Variants in ZC3H12B observed in about 807,000 individuals in gnomAD.
The protein encoded by ZC3H12B is probable ribonuclease ZC3H12B.
In ZC3H12B, 7 loss-of-function variants were observed where a neutral mutation model predicts 43.9. That is an observed-to-expected ratio of 0.16 (90% CI 0.09 to 0.30). The LOEUF is 0.30. ZC3H12B is among the 10% of genes least tolerant of loss of function. The pLI, the probability that ZC3H12B is intolerant of heterozygous loss-of-function variation, is 1.00. For missense variants in ZC3H12B, 475 were observed against 670.2 expected (o/e 0.71, Z 3.22); for synonymous variants, 222 against 241.7 (o/e 0.92, Z 0.76).
chrX:65,240,067 T>G, the ZC3H12B span, among the ~76,000 whole-genome samples: 1 of 111,219 alleles, frequency 9.0e-6, no homozygotes, highest in Non-Finnish European at 1.9e-5. Flanking sequence ...TTGATTTTCT[T>G]GTGGAGTTTC....
chrX:65,055,972 C>G, the ZC3H12B span, among the ~76,000 whole-genome samples: 3 of 111,360 alleles, frequency 2.7e-5, no homozygotes, highest in African/African-American at 9.8e-5. Flanking sequence ...TTTGATTCTA[C>G]TCTCTTTTCT....
At chrX:65,365,535 A>T (rs1012574484), upstream of ZC3H12B, among the ~76,000 whole-genome samples, 2 of 110,579 alleles carry the variant, frequency 1.8e-5, no homozygotes, top group Non-Finnish European at 3.8e-5. Context: ...GCCACCCCTA[A>T]TCCCGCTCAA....
At chrX:65,243,431 G>A in the ZC3H12B span, among the ~76,000 whole-genome samples, 1 of 112,002 alleles carries the variant, frequency 8.9e-6, no homozygotes, top group East Asian at 2.8e-4. Flanking sequence ...TCTTACTCCA[G>A]TTAGAATGTT....
chrX:65,181,874 C>T, the ZC3H12B span, among the ~76,000 whole-genome samples: 4 of 111,732 alleles, frequency 3.6e-5, no homozygotes, highest in African/African-American at 1.3e-4. Flanking sequence ...ACCAGAAATA[C>T]CATATGACCC....
chrX:65,330,883 C>T, the ZC3H12B span: 3 of 225,726 alleles, frequency 1.3e-5, no homozygotes, highest in Non-Finnish European at 2.7e-5. Context: ...TCTCCATTTC[C>T]AGGTTTTTTC....
the ZC3H12B span, among the ~76,000 whole-genome samples, chrX:65,054,304 T>C: frequency 8.9e-6 from 1 of 111,877 alleles, no homozygotes; most frequent in East Asian, 2.8e-4. Context: ...AAGGAAGGGA[T>C]CCAGTTTCAG....
the ZC3H12B span, among the ~76,000 whole-genome samples, chrX:65,228,253 C>T: frequency 4.7e-4 from 52 of 111,803 alleles, no homozygotes; most frequent in African/African-American, 1.6e-3. Flanking sequence ...AAATATAATC[C>T]AGCATATAAA....
At chrX:65,089,588 AT>A in the ZC3H12B span, among the ~76,000 whole-genome samples, 1 of 111,455 alleles carries the variant, frequency 9.0e-6, no homozygotes, top group Non-Finnish European at 1.9e-5. Context: ...TATTAAAAAT[AT>A]TTTTCTTCAA....
At chrX:65,330,266 C>T in the ZC3H12B span, among the ~76,000 whole-genome samples, 137 of 111,717 alleles carry the variant, frequency 1.2e-3, no homozygotes, top group Middle Eastern at 9.1e-3. Flanking sequence ...TATCCTGAAA[C>T]TTTGATGAAG....
At chrX:65,215,579 T>C in the ZC3H12B span, among the ~76,000 whole-genome samples, 1 of 111,400 alleles carries the variant, frequency 9.0e-6, no homozygotes, top group Non-Finnish European at 1.9e-5. Context: ...AAGGGAATTT[T>C]GTTGCTCGTT....
At chrX:65,155,842 G>A in the ZC3H12B span, among the ~76,000 whole-genome samples, 2 of 110,043 alleles carry the variant, frequency 1.8e-5, no homozygotes, top group African/African-American at 6.6e-5. Flanking sequence ...CTAGGTGACA[G>A]AGCGAGGCCT....
chrX:65,159,965 A>G, the ZC3H12B span, among the ~76,000 whole-genome samples: 1 of 112,068 alleles, frequency 8.9e-6, no homozygotes, highest in South Asian at 3.7e-4. Context: ...GAGAAATTTT[A>G]GCATGAAGGG....
the ZC3H12B span, among the ~76,000 whole-genome samples, chrX:65,085,178 A>T: frequency 3.6e-5 from 4 of 111,385 alleles, no homozygotes; most frequent in Non-Finnish European, 5.7e-5. Flanking sequence ...AGAAAGAATG[A>T]ATAAGACCTA....
At chrX:65,469,290 C>A in intron 3 of ZC3H12B, 1 of 276,781 alleles carries the variant, frequency 3.6e-6, no homozygotes, top group Non-Finnish European at 7.0e-6. Context: ...GTGCTCCGAG[C>A]GCATCAAGTA....
At chrX:65,155,240 G>A in the ZC3H12B span, among the ~76,000 whole-genome samples, 1 of 110,455 alleles carries the variant, frequency 9.1e-6, no homozygotes, top group African/African-American at 3.3e-5. Flanking sequence ...TTACAGGCAT[G>A]ATCCACTGAG....
chrX:65,249,645 C>G, the ZC3H12B span, among the ~76,000 whole-genome samples: 3 of 111,243 alleles, frequency 2.7e-5, no homozygotes, highest in Non-Finnish European at 5.7e-5. Context: ...TTGCTTTTGG[C>G]AGTATGATCA....
chrX:65,194,999 TG>T, the ZC3H12B span, among the ~76,000 whole-genome samples: 1 of 111,767 alleles, frequency 8.9e-6, no homozygotes, highest in Non-Finnish European at 1.9e-5. Context: ...GCTCTTTTTT[TG>T]TTTCTATTTG....
chrX:65,357,093 C>A, the ZC3H12B span: 1 of 535,199 alleles, frequency 1.9e-6, no homozygotes. Context: ...CTGCCCACCA[C>A]AAGCTCCAAA....
the ZC3H12B span, among the ~76,000 whole-genome samples, chrX:65,353,038 G>A: frequency 1.8e-5 from 2 of 110,123 alleles, no homozygotes; most frequent in African/African-American, 6.6e-5. Context: ...GTGTGTGTGT[G>A]TGCGTATGGG....
Sources: allele counts gnomAD v4.1 joint callset (sites outside exome capture counted in the v4.1 genomes callset), GRCh38; gene constraint gnomAD v4.1.1; transcripts MANE v1.5; gene names NCBI Gene and HGNC (gene_info 2026-07-23, HGNC 2026-07-21).